The following DAAM2 variants were observed in gnomAD, a reference collection of about 807,000 sequenced individuals.
The protein encoded by DAAM2 is disheveled-associated activator of morphogenesis 2.
DAAM2 carries 39 observed loss-of-function variants against 120.7 expected under a neutral mutation model. The observed-to-expected ratio is 0.32, with a 90% CI of 0.25 to 0.42. The LOEUF is 0.42. DAAM2 is among the 10% of genes least tolerant of loss of function. The pLI, the probability that DAAM2 is intolerant of heterozygous loss-of-function variation, is 1.00. For missense variants in DAAM2, 1,283 were observed against 1,401.7 expected (o/e 0.92, Z 1.35); for synonymous variants, 488 against 524.9 (o/e 0.93, Z 0.96).
chr6:39,845,537 T>C lies in DAAM2; in HGVS notation c.-56-10710T>C, dbSNP rs372933405. 4.0e-5 allele frequency among the ~76,000 whole-genome samples: 6 copies of C among 151,082 alleles called. No individual in the cohort carries two copies. The East Asian group carries it at 1.2e-3, about 30-fold the overall frequency. ...ATACCACACATATGCTACCTACACA[T>C]ACATAAACATACACCATACCACATA... On this transcript the variant is annotated intron_variant, in intron 1 of 24. Coordinates refer to ENST00000274867, the MANE Select transcript of DAAM2 (RefSeq NM_001201427.2).
intron 11 of DAAM2, among the ~76,000 whole-genome samples, chr6:39,876,344 A>G (rs1240115763): frequency 1.3e-5 from 2 of 152,240 alleles, no homozygotes; most frequent in African/African-American, 4.8e-5. Flanking sequence ...ATTATTTTCC[A>G]GCTATTCTTG....
At position 39,870,585 on chromosome 6, in the gene DAAM2, G is replaced by A. The variant is rs78880432; in HGVS notation, c.977+142G>A. ...CGCAGATTCAGAATCAGCTCTGTGG[G>A]GGGAAGGGGTGCCCTTGCCTGTCCT... On this transcript the variant is annotated intron_variant, in intron 8 of 24. Coordinates refer to ENST00000274867, the MANE Select transcript of DAAM2 (RefSeq NM_001201427.2). The A allele has an allele frequency of 4.4e-3, 2,858 of 648,588 alleles. 40 individuals are homozygous for A. The highest frequency in any genetic ancestry group is 0.041 in the African/African-American group (2,276 of 55,754). The allele number at this position is 648,588 out of a possible 1,614,324, so 40.2% of individuals were successfully genotyped here. A position where few individuals can be genotyped will look rare whatever the true frequency, so the allele number is the denominator to read the frequency against.
chr6:39,890,753 GT>G (rs1394750339), intron 17 of DAAM2, among the ~76,000 whole-genome samples: 2 of 152,098 alleles, frequency 1.3e-5, no homozygotes, highest in Non-Finnish European at 2.9e-5. Context: ...CCTCAAGTTT[GT>G]TTAAAAGAAA....
chr6:39,887,404 T>C (rs1765440066), intron 15 of DAAM2, 82 bp from the exon 16 acceptor site: 1 of 890,416 alleles, frequency 1.1e-6, no homozygotes, highest in African/African-American at 1.7e-5. Flanking sequence ...CCTGGATTGG[T>C]AGGAGGTGGC....
At chr6:39,816,392 G>A (rs1762310447) in intron 1 of DAAM2, among the ~76,000 whole-genome samples, 1 of 152,158 alleles carries the variant, frequency 6.6e-6, no homozygotes, top group South Asian at 2.1e-4. Flanking sequence ...CTTGATACTA[G>A]GCCACATAAT....
intron 3 of DAAM2, 83 bp from the exon 4 acceptor site, chr6:39,864,350 T>C (rs1764332277): frequency 1.9e-6 from 2 of 1,061,928 alleles, no homozygotes; most frequent in Admixed American, 2.0e-5. Flanking sequence ...TGAATCCCTC[T>C]GCTGACACGG....
At chr6:39,870,691 T>TG (rs1467419040) in intron 8 of DAAM2, among the ~76,000 whole-genome samples, 1 of 152,192 alleles carries the variant, frequency 6.6e-6, no homozygotes, top group African/African-American at 2.4e-5. Context: ...TACTTCCCCC[T>TG]GGGGGGCATG....
chr6:39,832,274 C>G (rs1174162660), intron 1 of DAAM2, among the ~76,000 whole-genome samples: 1 of 151,942 alleles, frequency 6.6e-6, no homozygotes, highest in Middle Eastern at 3.2e-3. Flanking sequence ...TGAGGGGGTC[C>G]CAGAGGCTCC....
At chr6:39,848,259 T>C (rs1229242000) in intron 1 of DAAM2, among the ~76,000 whole-genome samples, 1 of 152,110 alleles carries the variant, frequency 6.6e-6, no homozygotes, top group Non-Finnish European at 1.5e-5. Flanking sequence ...CATCCTAGGA[T>C]CTGATGTCAG....
In DAAM2 at chr6:39,878,430, G is replaced by A; in HGVS notation, c.1387G>A (p.Glu463Lys). ...ACACATGGAGCTTGTGAGCCGTCTG[G>A]AGAGGAAGGAGCGGGAATGCGAGAC... ...KEHMELVSRL[E>K]RKERECETKT... The change falls in exon 13 of 25, where the codon GAG (glutamate) becomes AAG (lysine). Residue 463 changes from glutamate to lysine, a missense_variant. Coordinates refer to ENST00000274867, the MANE Select transcript of DAAM2 (RefSeq NM_001201427.2). This position sits in a 1 kb window ranked among gnomAD's most constrained non-coding sequence, Gnocchi z 5.0. 1 of 1,612,306 alleles carries A rather than the reference G, an allele frequency of 6.2e-7. No individual in the cohort carries two copies. Among genetic ancestry groups the A allele is most frequent in the Non-Finnish European group, 8.5e-7 (1 of 1,179,078 alleles).
chr6:39,884,154 T>G (rs1417971439), intron 15 of DAAM2, 85 bp downstream of exon 15: 6 of 669,894 alleles, frequency 9.0e-6, no homozygotes, highest in Admixed American at 2.5e-5. Context: ...CTGCCTGCCT[T>G]CCTTTCCTTT....
At chr6:39,839,952 C>T (rs748316484) in intron 1 of DAAM2, among the ~76,000 whole-genome samples, 5 of 152,292 alleles carry the variant, frequency 3.3e-5, no homozygotes, top group Admixed American at 6.5e-5. Flanking sequence ...CATGGCCAGG[C>T]GCAGTAGCTC....
At chr6:39,868,771 C>T (rs955336138) in intron 6 of DAAM2, 52 bp from the exon 7 acceptor site, 13 of 1,362,730 alleles carry the variant, frequency 9.5e-6, no homozygotes, top group African/African-American at 7.2e-5. Flanking sequence ...AAAGGCCACA[C>T]CTGTTGGGAA....
intron 1 of DAAM2, chr6:39,848,819 C>G (rs746029178): frequency 6.6e-6 from 1 of 152,212 alleles, no homozygotes; most frequent in Admixed American, 6.5e-5. Context: ...TTCAGGGCAG[C>G]AGTGGTGTCT....
At chr6:39,843,060 T>C (rs1763413990) in intron 1 of DAAM2, among the ~76,000 whole-genome samples, 1 of 152,218 alleles carries the variant, frequency 6.6e-6, no homozygotes, top group Non-Finnish European at 1.5e-5. Flanking sequence ...TCAGGAAATA[T>C]AGCAATTTAT....
chr6:39,857,769 A>G (rs1314411242), intron 2 of DAAM2, among the ~76,000 whole-genome samples: 1 of 152,198 alleles, frequency 6.6e-6, no homozygotes, highest in Non-Finnish European at 1.5e-5. Context: ...AGCATCAGGT[A>G]TCTCTCAAAC....
At chr6:39,887,131 A>C in intron 15 of DAAM2, 1 of 186,454 alleles carries the variant, frequency 5.4e-6, no homozygotes, top group Admixed American at 5.9e-5. Flanking sequence ...ATGGGAGGTT[A>C]TGTCACATTG....
chr6:39,844,995 A>G (rs1437662644), intron 1 of DAAM2, among the ~76,000 whole-genome samples: 1 of 148,482 alleles, frequency 6.7e-6, no homozygotes, highest in African/African-American at 2.5e-5. Flanking sequence ...CACACACTAC[A>G]CACACCACAC....
At chr6:39,797,153 G>T (rs1349379626) in intron 1 of DAAM2, among the ~76,000 whole-genome samples, 2 of 152,152 alleles carry the variant, frequency 1.3e-5, no homozygotes, top group African/African-American at 4.8e-5. Flanking sequence ...TGGAATAAAG[G>T]AAAGGCCACT....
Sources: allele counts gnomAD v4.1 joint callset (sites outside exome capture counted in the v4.1 genomes callset), GRCh38; gene constraint gnomAD v4.1.1; non-coding constraint Gnocchi (gnomAD v3.1); transcripts MANE v1.5; gene names NCBI Gene and HGNC (gene_info 2026-07-23, HGNC 2026-07-21).